Variants in LRBA observed in about 807,000 individuals in gnomAD.
LRBA encodes lipopolysaccharide-responsive and beige-like anchor protein.
LRBA carries 176 observed loss-of-function variants against 330.0 expected under a neutral mutation model. That is an observed-to-expected ratio of 0.53 (90% CI 0.47 to 0.60). The LOEUF (loss-of-function observed/expected upper bound fraction) is 0.60. Among genes scored for constraint, LRBA ranks in the 20% least tolerant of loss-of-function variants. The pLI is 0.00. For synonymous variants in LRBA, 1,230 were observed against 1,193.0 expected (o/e 1.03, Z -0.64); for missense variants, 3,259 against 3,444.8 (o/e 0.95, Z 1.35).
At chr4:150,784,652 G>T (rs1018101915) in intron 34 of LRBA, among the ~76,000 whole-genome samples, 1 of 152,152 alleles carries the variant, frequency 6.6e-6, no homozygotes, top group African/African-American at 2.4e-5. Context: ...TGCATTTGGG[G>T]TTCCCTCTCT....
At chr4:150,591,471 T>C (rs1006451960) in intron 38 of LRBA, among the ~76,000 whole-genome samples, 1 of 152,208 alleles carries the variant, frequency 6.6e-6, no homozygotes, top group Non-Finnish European at 1.5e-5. Flanking sequence ...ATTACCCTCG[T>C]CCACATGTTC....
Position 150,553,824 on chromosome 4 carries a change from C to T in LRBA, c.6330+34224G>A, listed in dbSNP as rs148126184. On this transcript the variant is annotated intron_variant, in intron 40 of 56. Coordinates refer to ENST00000651943, the MANE Select transcript of LRBA (RefSeq NM_001364905.1). Reference sequence around the variant, plus strand: ...ATTATGACATAGAATGGCAAGCCACCGGTGCATCTGGTGAGAGAAGGGTAA... The same window carrying T: ...ATTATGACATAGAATGGCAAGCCACTGGTGCATCTGGTGAGAGAAGGGTAA... Among the ~76,000 whole-genome samples the T allele has an allele frequency of 2.8e-3, 423 of 152,204 alleles. 3 individuals are homozygous for T. The highest frequency in any genetic ancestry group is 8.3e-3 in the African/African-American group (343 of 41,496).
chr4:150,798,162 A>T lies in LRBA; in HGVS notation c.5519-20T>A, dbSNP rs779072058. 54 of 1,506,816 alleles carry T rather than the reference A, an allele frequency of 3.6e-5. No homozygotes were observed. Among genetic ancestry groups the T allele is most frequent in the East Asian group, 4.5e-5 (2 of 44,232 alleles). 93.3% of individuals were successfully genotyped at this position (1,506,816 alleles called of 1,614,324 possible). On this transcript the variant is annotated intron_variant, in intron 33 of 56. Coordinates refer to ENST00000651943, the MANE Select transcript of LRBA (RefSeq NM_001364905.1). Reference sequence around the variant, plus strand: ...CCAGACCTATTTTAAAGAGAATTTTAAAAAAGAAGTTATAAAGAAAACAAA... The same window carrying T: ...CCAGACCTATTTTAAAGAGAATTTTTAAAAAGAAGTTATAAAGAAAACAAA...
Position 150,482,756 on chromosome 4 carries a change from A to G in LRBA, c.6551+4976T>C, listed in dbSNP as rs1757428647. Among the ~76,000 whole-genome samples the G allele has an allele frequency of 2.0e-5, 3 of 152,086 alleles. No homozygotes were observed. The South Asian group carries it at 6.2e-4, about 31-fold the overall frequency. On this transcript the variant is annotated intron_variant, in intron 42 of 56. Coordinates refer to ENST00000651943, the MANE Select transcript of LRBA (RefSeq NM_001364905.1). Reference sequence around the variant, plus strand: ...GTCATGGGATCACACTGTTGTTTTAATCAGCATTTCTCAGATGACTAATGA... The same window carrying G: ...GTCATGGGATCACACTGTTGTTTTAGTCAGCATTTCTCAGATGACTAATGA...
chr4:150,997,956 G>A (rs987415124), intron 2 of LRBA, among the ~76,000 whole-genome samples: 4 of 151,988 alleles, frequency 2.6e-5, no homozygotes, highest in Non-Finnish European at 4.4e-5. Flanking sequence ...CGCCCACCTC[G>A]GCTTCCCAAA....
At chr4:150,844,359 C>T in intron 27 of LRBA, 152 bp from the exon 28 acceptor site, 1 of 518,842 alleles carries the variant, frequency 1.9e-6, no homozygotes, top group South Asian at 4.2e-5. Context: ...CTTCCTTCTT[C>T]TTTGAGGGGT....
intron 35 of LRBA, 37 bp from the exon 36 acceptor site, chr4:150,735,403 TAC>T: frequency 7.9e-7 from 1 of 1,262,518 alleles, no homozygotes; most frequent in East Asian, 2.3e-5. Context: ...AATATATGTA[TAC>T]ACACACAACA....
intron 22 of LRBA, 55 bp from the exon 23 acceptor site, chr4:150,852,998 A>G (rs1013725065): frequency 1.0e-5 from 10 of 998,658 alleles, no homozygotes; most frequent in African/African-American, 1.6e-5. Flanking sequence ...AAGACAGAAT[A>G]CAAAATATAA....
At chr4:150,341,577 C>A (rs1735568989) in intron 48 of LRBA, among the ~76,000 whole-genome samples, 1 of 152,072 alleles carries the variant, frequency 6.6e-6, no homozygotes, top group Non-Finnish European at 1.5e-5. Flanking sequence ...ATGTCCCTTC[C>A]ATTTCTTTTG....
intron 2 of LRBA, among the ~76,000 whole-genome samples, chr4:150,958,038 T>A (rs1438503068): frequency 6.7e-6 from 1 of 148,946 alleles, no homozygotes; most frequent in Non-Finnish European, 1.5e-5. Context: ...GGATCTACCA[T>A]TCTGGGGTCT....
At chr4:150,896,484 C>T (rs367684412) in intron 15 of LRBA, 28 bp from the exon 16 acceptor site, 21 of 1,179,182 alleles carry the variant, frequency 1.8e-5, no homozygotes, top group East Asian at 1.5e-4. Context: ...AGGTATCTTA[C>T]GTTTACATGT....
chr4:150,844,042 GC>G (rs1749483072), intron 28 of LRBA, 57 bp downstream of exon 28: 1 of 1,029,550 alleles, frequency 9.7e-7, no homozygotes, highest in African/African-American at 1.6e-5. Context: ...AATACATTAG[GC>G]CTAAGAGGAA....
chr4:150,761,654 T>C (rs914372946), intron 35 of LRBA, 129 bp downstream of exon 35: 7 of 539,200 alleles, frequency 1.3e-5, no homozygotes, highest in African/African-American at 6.1e-5. Flanking sequence ...TAATAATTGA[T>C]ATATCAGAGC....
chr4:150,899,634 T>G (rs1730505708), intron 14 of LRBA, among the ~76,000 whole-genome samples: 1 of 152,188 alleles, frequency 6.6e-6, no homozygotes, highest in Non-Finnish European at 1.5e-5. Context: ...AATTTCATTA[T>G]CTCTTTAAGA....
intron 36 of LRBA, among the ~76,000 whole-genome samples, chr4:150,694,938 A>G (rs1401460466): frequency 6.6e-6 from 1 of 152,186 alleles, no homozygotes; most frequent in East Asian, 1.9e-4. Flanking sequence ...AACTCTTAAC[A>G]GAAGTATATA....
At chr4:150,935,784 T>C (rs1228057194) in intron 2 of LRBA, among the ~76,000 whole-genome samples, 3 of 151,954 alleles carry the variant, frequency 2.0e-5, no homozygotes, top group South Asian at 4.1e-4. Flanking sequence ...AACTTCAATA[T>C]AGGATTAGAG....
intron 26 of LRBA, among the ~76,000 whole-genome samples, chr4:150,848,042 T>A (rs2126900956): frequency 6.6e-6 from 1 of 151,680 alleles, no homozygotes; most frequent in East Asian, 1.9e-4. Flanking sequence ...TGAGACAGAG[T>A]CCCGCTCAAT....
intron 44 of LRBA, among the ~76,000 whole-genome samples, chr4:150,448,768 C>T (rs1211651954): frequency 8.2e-6 from 1 of 122,670 alleles, no homozygotes; most frequent in African/African-American, 3.2e-5. Context: ...TGCCCTTGCA[C>T]TCCAGTCTGA....
At chr4:150,551,808 T>C (rs1005413798) in intron 40 of LRBA, among the ~76,000 whole-genome samples, 2 of 152,196 alleles carry the variant, frequency 1.3e-5, no homozygotes, top group Admixed American at 1.3e-4. Flanking sequence ...TATTAAAATA[T>C]ATGTATGTGT....
Sources: gnomAD v4.1 joint callset for allele counts (sites outside exome capture counted in the v4.1 genomes callset) on GRCh38, gnomAD v4.1.1 for gene constraint, MANE v1.5 for transcripts, NCBI Gene and HGNC (gene_info 2026-07-23, HGNC 2026-07-21) for gene names.